Variants in CNNM2 observed in about 807,000 individuals in gnomAD.
CNNM2 encodes the protein cyclin and CBS domain divalent metal cation transport mediator 2.
In CNNM2, 12 loss-of-function variants were observed where a neutral mutation model predicts 66.9. The ratio of observed to expected loss-of-function variants is 0.18; its 90% CI spans 0.11 to 0.29. The LOEUF (loss-of-function observed/expected upper bound fraction) is 0.29. Ranked by LOEUF, CNNM2 falls within the 10% of genes least tolerant of loss-of-function variation. CNNM2 has a pLI of 1.00. For synonymous variants in CNNM2, 557 were observed against 501.8 expected (o/e 1.11, Z -1.47); for missense variants, 705 against 1,167.7 (o/e 0.60, Z 5.77).
At chr10:103,001,893 G>A (rs1003262952) in intron 1 of CNNM2, among the ~76,000 whole-genome samples, 1 of 152,106 alleles carries the variant, frequency 6.6e-6, no homozygotes, top group Admixed American at 6.6e-5. Flanking sequence ...TACTTGGGAG[G>A]CTGAGACACA....
At chr10:102,925,503 T>G (rs2134159480) in intron 1 of CNNM2, among the ~76,000 whole-genome samples, 1 of 151,968 alleles carries the variant, frequency 6.6e-6, no homozygotes, top group East Asian at 1.9e-4. Flanking sequence ...AAGTAAACCC[T>G]GAGAAAGAGA....
At chr10:103,052,739 C>G (rs1400509946) in intron 2 of CNNM2, among the ~76,000 whole-genome samples, 2 of 152,140 alleles carry the variant, frequency 1.3e-5, no homozygotes, top group African/African-American at 4.8e-5. Flanking sequence ...GTCTCGAACT[C>G]CTGACCTCAA....
chr10:103,013,541 G>A (rs1049498182), intron 1 of CNNM2, among the ~76,000 whole-genome samples: 5 of 152,148 alleles, frequency 3.3e-5, no homozygotes, highest in Admixed American at 1.3e-4. Flanking sequence ...GGTGCGCTCA[G>A]GTGTGACTGA....
rs773037413 is a variant in CNNM2, at chr10:102,919,501, G to GA, written c.1021_1022insA (p.Gly341GlufsTer70). 1 of 1,612,786 alleles carries GA rather than the reference G, an allele frequency of 6.2e-7. No individual in the cohort carries two copies. The highest frequency in any genetic ancestry group is 8.5e-7 in the Non-Finnish European group (1 of 1,180,032). ...CCTGCTCGACGACATCGCCGGCTCG[G>GA]GCCTCGTGGCCGTGGTAGTCTCCAC... is the stretch of plus-strand genomic sequence containing the variant. On this transcript the variant is annotated frameshift_variant, in exon 1 of 8. Coordinates refer to ENST00000369878, the MANE Select transcript of CNNM2 (RefSeq NM_017649.5). LOFTEE classifies it high-confidence loss of function.
At chr10:103,061,243 C>G (rs978625605) in intron 4 of CNNM2, among the ~76,000 whole-genome samples, 1 of 151,986 alleles carries the variant, frequency 6.6e-6, no homozygotes, top group Admixed American at 6.6e-5. Context: ...AAATGCAAAA[C>G]TTAGCTAGAC....
intron 1 of CNNM2, among the ~76,000 whole-genome samples, chr10:103,035,504 A>AT (rs1273103847): frequency 6.6e-6 from 1 of 152,172 alleles, no homozygotes; most frequent in Non-Finnish European, 1.5e-5. Flanking sequence ...AGATGGGAAA[A>AT]TCCGAGTCTT....
chr10:102,948,961 G>A (rs1277009173), intron 1 of CNNM2, among the ~76,000 whole-genome samples: 1 of 152,192 alleles, frequency 6.6e-6, no homozygotes, highest in East Asian at 1.9e-4. Context: ...GTAAGCAGAA[G>A]TAGACCTGGC....
Position 102,938,273 on chromosome 10 carries a change from T to TA in CNNM2, c.1621+18185dup, listed in dbSNP as rs540328702. ...CAACATGGTGAAACCCCATCTCTTC[T>TA]AAAAAAAAAAAAATACAAAAATTAG... On this transcript the variant is annotated intron_variant, in intron 1 of 7. Coordinates refer to ENST00000369878, the MANE Select transcript of CNNM2 (RefSeq NM_017649.5). 0.19 allele frequency among the ~76,000 whole-genome samples: 27,372 copies of TA among 141,408 alleles called. 2,646 individuals carry two copies. Among genetic ancestry groups the TA allele is most frequent in the East Asian group, 0.33 (1,606 of 4,848 alleles). The allele number at this position is 141,408 out of a possible 152,430, so 92.8% of individuals were successfully genotyped here.
chr10:103,023,310 G>A (rs1317264295), intron 1 of CNNM2, among the ~76,000 whole-genome samples: 2 of 152,136 alleles, frequency 1.3e-5, no homozygotes, highest in Non-Finnish European at 2.9e-5. Flanking sequence ...CCAACACTTT[G>A]GGTGGCTGAC....
chr10:102,980,677 G>T (rs2063706317), intron 1 of CNNM2, among the ~76,000 whole-genome samples: 1 of 152,056 alleles, frequency 6.6e-6, no homozygotes, highest in African/African-American at 2.4e-5. Flanking sequence ...CCTCTATCCT[G>T]TTGTTATAAT....
Position 102,918,964 on chromosome 10 carries a change from C to T in CNNM2, c.484C>T (p.His162Tyr). The stretch of plus-strand genomic sequence containing the variant: ...CACCTCAGACATCATCATCTTGCCC[C>T]ACATCATTCTCAACCGCCGCACCTC... ...IRTSDIIILPHIILNRRTSGI... is the reference protein window; with the variant it reads ...IRTSDIIILPYIILNRRTSGI... The change falls in exon 1 of 8, where the codon CAC becomes TAC. Residue 162 changes from histidine (H) to tyrosine (Y), a missense_variant. This residue lies in a region of CNNM2 where 100 missense variants were observed against 151.9 expected (regional missense o/e 0.66). Transcript: ENST00000369878. This position sits in a 1 kb window ranked among gnomAD's most constrained non-coding sequence, Gnocchi z 4.1. 1.2e-6 allele frequency: 2 copies of T among 1,612,570 alleles called. No homozygotes were observed. Among genetic ancestry groups the T allele is most frequent in the African/African-American group, 1.3e-5 (1 of 74,996 alleles).
intron 2 of CNNM2, among the ~76,000 whole-genome samples, chr10:103,051,462 T>C (rs1435149314): frequency 6.6e-6 from 1 of 151,038 alleles, no homozygotes; most frequent in African/African-American, 2.4e-5. Flanking sequence ...AGAAAGTCAC[T>C]GGGCATGGTG....
intron 1 of CNNM2, among the ~76,000 whole-genome samples, chr10:102,991,273 T>C (rs1004728667): frequency 6.6e-6 from 1 of 152,146 alleles, no homozygotes; most frequent in Non-Finnish European, 1.5e-5. Flanking sequence ...CGGATGTGAC[T>C]CGCCGCACCA....
chr10:102,928,648 C>G (rs1197387891), intron 1 of CNNM2, among the ~76,000 whole-genome samples: 1 of 151,664 alleles, frequency 6.6e-6, no homozygotes, highest in Non-Finnish European at 1.5e-5. Context: ...GATCAAGACA[C>G]TGGCACTGGC....
intron 1 of CNNM2, among the ~76,000 whole-genome samples, chr10:102,922,663 A>G (rs1845692777): frequency 6.6e-6 from 1 of 152,210 alleles, no homozygotes; most frequent in South Asian, 2.1e-4. Context: ...CCTTTTGGCT[A>G]GGCATGGTGG....
At position 103,008,135 on chromosome 10, in the gene CNNM2, C is replaced by G. The variant is rs12258551; in HGVS notation, c.1622-41572C>G. Among the ~76,000 whole-genome samples, 15,842 of 151,684 alleles carry G rather than the reference C, an allele frequency of 0.1. 855 individuals carry two copies. The highest frequency in any genetic ancestry group is 0.18 in the Middle Eastern group (52 of 292). ...ATTTACAATATCTTGTGTTAGATTG[C>G]TGGAGGATTTTTTTTTTTTTAAACC... On this transcript the variant is annotated intron_variant, in intron 1 of 7. Transcript: ENST00000369878.
At chr10:103,030,497 TTGAGG>T (rs2064802415) in intron 1 of CNNM2, among the ~76,000 whole-genome samples, 1 of 152,102 alleles carries the variant, frequency 6.6e-6, no homozygotes, top group African/African-American at 2.4e-5. Context: ...GGTGGATCAC[TTGAGG>T]TCAGGAGTTC....
At chr10:102,975,937 G>A in intron 1 of CNNM2, among the ~76,000 whole-genome samples, 1 of 152,180 alleles carries the variant, frequency 6.6e-6, no homozygotes. Context: ...TAGGGGAGAA[G>A]AGACTCAGTG....
intron 1 of CNNM2, among the ~76,000 whole-genome samples, chr10:103,004,636 A>G (rs1234689700): frequency 6.6e-6 from 1 of 152,248 alleles, no homozygotes; most frequent in East Asian, 1.9e-4. Context: ...TACCAAGGCC[A>G]TAGGATATGC....
Sources: gnomAD v4.1 joint callset for allele counts (sites outside exome capture counted in the v4.1 genomes callset) on GRCh38, gnomAD v4.1.1 for gene constraint, gnomAD v4.1.1 regional missense constraint, Gnocchi (gnomAD v3.1) non-coding constraint, MANE v1.5 for transcripts, NCBI Gene and HGNC (gene_info 2026-07-23, HGNC 2026-07-21) for gene names.